SHANK2: variants seen among roughly 807,000 people sequenced by gnomAD.
SHANK2 encodes SH3 and multiple ankyrin repeat domains 2.
Under a neutral mutation model 133.7 loss-of-function variants are expected in SHANK2, and 43 were observed. The observed-to-expected ratio is 0.32, with a 90% confidence interval of 0.25 to 0.41. The LOEUF (loss-of-function observed/expected upper bound fraction) is 0.41, where lower values mean the gene tolerates loss of function less well. SHANK2 is among the 10% of genes least tolerant of loss of function. The pLI, the probability that SHANK2 is intolerant of heterozygous loss-of-function variation, is 1.00. For missense variants in SHANK2, 1,994 were observed against 2,235.8 expected (o/e 0.89, Z 2.18); for synonymous variants, 1,017 against 952.8 (o/e 1.07, Z -1.24).
At chr11:70,758,943 G>A (rs1197201215) in intron 14 of SHANK2, among the ~76,000 whole-genome samples, 1 of 141,748 alleles carries the variant, frequency 7.1e-6, no homozygotes, top group Non-Finnish European at 1.5e-5. Context: ...GGCGGATCAC[G>A]AGGTCAAGAG....
At chr11:70,949,834 T>G (rs570238888) in intron 10 of SHANK2, among the ~76,000 whole-genome samples, 6 of 152,354 alleles carry the variant, frequency 3.9e-5, no homozygotes, top group Non-Finnish European at 2.9e-5. Flanking sequence ...CATGAGGCAC[T>G]GTCTGACCCC....
At chr11:70,540,683 G>A (rs2059609408) in intron 17 of SHANK2, among the ~76,000 whole-genome samples, 1 of 151,902 alleles carries the variant, frequency 6.6e-6, no homozygotes, top group African/African-American at 2.4e-5. Context: ...CTTCCAACCT[G>A]CCCAACATGG....
At chr11:70,872,005 C>T (rs1949474231) in intron 11 of SHANK2, among the ~76,000 whole-genome samples, 1 of 152,186 alleles carries the variant, frequency 6.6e-6, no homozygotes, top group South Asian at 2.1e-4. Context: ...CATCCCTGAA[C>T]ACCAGAGCCA....
At chr11:70,710,830 T>C (rs567099507) in intron 14 of SHANK2, among the ~76,000 whole-genome samples, 1 of 152,266 alleles carries the variant, frequency 6.6e-6, no homozygotes, top group Admixed American at 6.5e-5. Context: ...CTGCCTGACT[T>C]TGGACTCACA....
intron 2 of SHANK2, among the ~76,000 whole-genome samples, chr11:71,211,048 G>C (rs1434446856): frequency 6.6e-6 from 1 of 152,090 alleles, no homozygotes; most frequent in South Asian, 2.1e-4. Context: ...GGGTCCCCCA[G>C]GGCTGCTGCA....
intron 11 of SHANK2, among the ~76,000 whole-genome samples, chr11:70,821,034 G>C (rs1324781692): frequency 6.6e-6 from 1 of 152,220 alleles, no homozygotes; most frequent in Non-Finnish European, 1.5e-5. Flanking sequence ...ACAAAGCAGA[G>C]AGGGCACTGA....
intron 6 of SHANK2, among the ~76,000 whole-genome samples, chr11:71,100,525 C>G (rs1951700542): frequency 6.6e-6 from 1 of 152,190 alleles, no homozygotes; most frequent in Non-Finnish European, 1.5e-5. Flanking sequence ...GAAAAGGCTG[C>G]ATGCTGTGTG....
At chr11:71,235,393 A>C (rs1468146343) in intron 1 of SHANK2, among the ~76,000 whole-genome samples, 1 of 152,164 alleles carries the variant, frequency 6.6e-6, no homozygotes, top group East Asian at 1.9e-4. Context: ...CAGGAATTTG[A>C]GACCAGCCTG....
chr11:70,826,636 G>A (rs1555057278), intron 11 of SHANK2: 5 of 440,732 alleles, frequency 1.1e-5, no homozygotes, highest in Admixed American at 2.4e-5. Flanking sequence ...GTCTGGGCAC[G>A]GTGCACTTCC....
At chr11:71,139,068 T>A (rs1555105308) in intron 3 of SHANK2, among the ~76,000 whole-genome samples, 1 of 152,062 alleles carries the variant, frequency 6.6e-6, no homozygotes, top group South Asian at 2.1e-4. Context: ...TTTTCCTAAA[T>A]GAAGTACCCC....
At chr11:70,768,161 G>A (rs1441989302) in intron 14 of SHANK2, among the ~76,000 whole-genome samples, 1 of 152,218 alleles carries the variant, frequency 6.6e-6, no homozygotes, top group African/African-American at 2.4e-5. Flanking sequence ...TGGCATCAAA[G>A]AGAAGGTGCA....
chr11:71,240,454 A>AG, intron 1 of SHANK2, among the ~76,000 whole-genome samples: 2 of 152,276 alleles, frequency 1.3e-5, no homozygotes, highest in Middle Eastern at 6.8e-3. Context: ...ATCAGCAGGA[A>AG]GGGGGCTCCC....
At chr11:70,874,340 T>C (rs1361421560) in intron 11 of SHANK2, among the ~76,000 whole-genome samples, 1 of 152,162 alleles carries the variant, frequency 6.6e-6, no homozygotes, top group Non-Finnish European at 1.5e-5. Context: ...ATCCATGATT[T>C]ATCTATCTAT....
intron 14 of SHANK2, among the ~76,000 whole-genome samples, chr11:70,704,009 C>T (rs139870986): frequency 8.5e-5 from 13 of 152,206 alleles, no homozygotes; most frequent in African/African-American, 2.7e-4. Context: ...GGCCTGGGAC[C>T]ACAGCGGGGA....
At chr11:70,573,743 G>A (rs1171024214) in intron 17 of SHANK2, among the ~76,000 whole-genome samples, 8 of 152,296 alleles carry the variant, frequency 5.3e-5, no homozygotes, top group South Asian at 2.1e-4. Context: ...GGCGCCAGCC[G>A]ATGCCCCAAG....
intron 11 of SHANK2, among the ~76,000 whole-genome samples, chr11:70,892,712 C>T (rs900069485): frequency 5.3e-5 from 8 of 152,186 alleles, no homozygotes; most frequent in African/African-American, 1.4e-4. Flanking sequence ...TCACTGTTCC[C>T]AGGTATGTGC....
chr11:71,122,256 T>A (rs1952095156), intron 3 of SHANK2, among the ~76,000 whole-genome samples: 1 of 152,172 alleles, frequency 6.6e-6, no homozygotes, highest in African/African-American at 2.4e-5. Flanking sequence ...CAAATGTCCA[T>A]CAATGATAGA....
At chr11:70,703,173 C>G (rs1426023222) in intron 14 of SHANK2, among the ~76,000 whole-genome samples, 1 of 152,190 alleles carries the variant, frequency 6.6e-6, no homozygotes, top group Non-Finnish European at 1.5e-5. Flanking sequence ...AGGGGCCACA[C>G]GTATTCTAGG....
intron 2 of SHANK2, chr11:71,174,877 TG>T (rs1290484190): frequency 6.6e-6 from 1 of 152,142 alleles, no homozygotes; most frequent in Non-Finnish European, 1.5e-5. Flanking sequence ...ACACAAGCTT[TG>T]GTGCGGGGCA....
Sources: allele counts gnomAD v4.1 joint callset (sites outside exome capture counted in the v4.1 genomes callset), GRCh38; gene constraint gnomAD v4.1.1; transcripts MANE v1.5; gene names NCBI Gene and HGNC (gene_info 2026-07-23, HGNC 2026-07-21).